The following EVA1C variants were observed in gnomAD, a reference collection of about 807,000 sequenced individuals.
EVA1C encodes the protein eva-1 homolog C.
Under a neutral mutation model 45.4 loss-of-function variants are expected in EVA1C, and 25 were observed. That is an observed-to-expected ratio of 0.55 (90% CI 0.40 to 0.77). EVA1C has a LOEUF of 0.77. Ranked by LOEUF, EVA1C falls within the 30% of genes least tolerant of loss-of-function variation. The probability of loss-of-function intolerance (pLI) is 0.00; values close to 1 mark genes in which losing one functional copy is unlikely to be tolerated. For synonymous variants in EVA1C, 190 were observed against 221.2 expected (o/e 0.86, Z 1.25); for missense variants, 479 against 554.8 (o/e 0.86, Z 1.37).
intron 4 of EVA1C, among the ~76,000 whole-genome samples, chr21:32,469,451 G>T (rs1171589616): frequency 6.6e-6 from 1 of 152,218 alleles, no homozygotes; most frequent in Non-Finnish European, 1.5e-5. Context: ...CTGTAGCTGG[G>T]TATTCAGTGC....
At chr21:32,478,279 C>G (rs2146341087) in intron 4 of EVA1C, among the ~76,000 whole-genome samples, 1 of 152,094 alleles carries the variant, frequency 6.6e-6, no homozygotes, top group East Asian at 1.9e-4. Context: ...AGTGCAGTGG[C>G]TCGATCTCAG....
At chr21:32,416,748 C>T (rs1274444534) in intron 1 of EVA1C, among the ~76,000 whole-genome samples, 1 of 152,144 alleles carries the variant, frequency 6.6e-6, no homozygotes, top group East Asian at 1.9e-4. Context: ...TGTTCTAGTT[C>T]CCACTTGAAT....
At chr21:32,470,680 T>A (rs548297047) in intron 4 of EVA1C, among the ~76,000 whole-genome samples, 11 of 152,186 alleles carry the variant, frequency 7.2e-5, no homozygotes, top group Non-Finnish European at 1.6e-4. Context: ...GCTGGGCCAC[T>A]GTAGCCATCT....
intron 7 of EVA1C, among the ~76,000 whole-genome samples, chr21:32,513,713 T>A (rs968508307): frequency 3.3e-5 from 5 of 151,626 alleles, no homozygotes; most frequent in African/African-American, 1.2e-4. Context: ...TATTTTGGTA[T>A]TTTTTTAAAT....
chr21:32,509,611 A>G lies in EVA1C; in HGVS notation c.950-5203A>G, dbSNP rs182542187. Among the ~76,000 whole-genome samples, 126 of 152,292 alleles carry G rather than the reference A, an allele frequency of 8.3e-4. 1 individual carries two copies. In the East Asian group the frequency reaches 0.022, roughly 27 times the overall value. Reference sequence around the variant, plus strand: ...CAGGGATGGCACTGGGGATTTGGCAAAGAGCAAGATGGTTCCAGCCCCTGC... The same window carrying G: ...CAGGGATGGCACTGGGGATTTGGCAGAGAGCAAGATGGTTCCAGCCCCTGC... On this transcript the variant is annotated intron_variant, in intron 7 of 7. Transcript: ENST00000300255.
chr21:32,503,357 C>T (rs2037619610), intron 6 of EVA1C, among the ~76,000 whole-genome samples: 1 of 152,144 alleles, frequency 6.6e-6, no homozygotes. Context: ...ACCAACCTGG[C>T]CAACATGGTG....
At chr21:32,418,975 T>TA (rs1483706041) in intron 1 of EVA1C, among the ~76,000 whole-genome samples, 2 of 151,886 alleles carry the variant, frequency 1.3e-5, no homozygotes, top group African/African-American at 2.4e-5. Context: ...TCCATCTTAA[T>TA]AAAAAAAGGA....
At chr21:32,441,491 G>T (rs1391871084) in intron 1 of EVA1C, among the ~76,000 whole-genome samples, 4 of 149,298 alleles carry the variant, frequency 2.7e-5, no homozygotes, top group Non-Finnish European at 5.9e-5. Context: ...TCAAGCAGGA[G>T]AATGGCAGAA....
chr21:32,417,070 G>A (rs751135576), intron 1 of EVA1C, among the ~76,000 whole-genome samples: 30 of 152,260 alleles, frequency 2.0e-4, no homozygotes, highest in Non-Finnish European at 3.2e-4. Context: ...GGCCTTAACC[G>A]ATCCTCCTCC....
chr21:32,442,121 C>G (rs914845758), intron 1 of EVA1C, among the ~76,000 whole-genome samples: 2 of 152,148 alleles, frequency 1.3e-5, no homozygotes, highest in African/African-American at 4.8e-5. Context: ...CCTGTGTGCT[C>G]GGGAAGAAAA....
intron 1 of EVA1C, among the ~76,000 whole-genome samples, chr21:32,438,745 A>G (rs900967228): frequency 6.6e-6 from 1 of 152,144 alleles, no homozygotes; most frequent in African/African-American, 2.4e-5. Flanking sequence ...TTGATTGTAG[A>G]TGCACCAATG....
chr21:32,453,752 A>G (rs1176306237), intron 2 of EVA1C, among the ~76,000 whole-genome samples: 3 of 152,200 alleles, frequency 2.0e-5, no homozygotes, highest in Non-Finnish European at 2.9e-5. Context: ...GTACACTTCA[A>G]TATGAATTTA....
At chr21:32,444,757 T>A (rs1335762182) in intron 1 of EVA1C, among the ~76,000 whole-genome samples, 3 of 150,278 alleles carry the variant, frequency 2.0e-5, no homozygotes, top group African/African-American at 4.9e-5. Context: ...CCTTGGTCTT[T>A]CCAGGGACCA....
intron 7 of EVA1C, among the ~76,000 whole-genome samples, chr21:32,505,088 C>T (rs575015116): frequency 3.3e-5 from 5 of 152,082 alleles, no homozygotes; most frequent in Non-Finnish European, 4.4e-5. Flanking sequence ...TCAATTACCT[C>T]CCACCATGTC....
At chr21:32,462,003 G>A (rs1440211597) in intron 3 of EVA1C, among the ~76,000 whole-genome samples, 2 of 152,114 alleles carry the variant, frequency 1.3e-5, no homozygotes, top group African/African-American at 4.8e-5. Context: ...AAAACACAGT[G>A]TTGTATGTAA....
chr21:32,496,820 T>C (rs2037367157), intron 5 of EVA1C: 2 of 816,234 alleles, frequency 2.5e-6, no homozygotes, highest in African/African-American at 1.7e-5. Context: ...GAGTATATTC[T>C]AGTGAAAGGA....
chr21:32,463,442 A>C (rs1223242798), intron 3 of EVA1C, among the ~76,000 whole-genome samples: 1 of 152,218 alleles, frequency 6.6e-6, no homozygotes, highest in African/African-American at 2.4e-5. Flanking sequence ...ATTTTTTATA[A>C]TCCAGAAATG....
chr21:32,494,200 A>T (rs2037264774), intron 4 of EVA1C, among the ~76,000 whole-genome samples: 1 of 152,188 alleles, frequency 6.6e-6, no homozygotes, highest in African/African-American at 2.4e-5. Flanking sequence ...GTGCCAGGGC[A>T]CCGAAAAACA....
intron 7 of EVA1C, among the ~76,000 whole-genome samples, chr21:32,509,795 T>C (rs1297902667): frequency 6.6e-6 from 1 of 151,324 alleles, no homozygotes; most frequent in Non-Finnish European, 1.5e-5. Flanking sequence ...TATCTAGTAG[T>C]GCTGGATGAA....
Sources: allele counts gnomAD v4.1 joint callset (sites outside exome capture counted in the v4.1 genomes callset), GRCh38; gene constraint gnomAD v4.1.1; transcripts MANE v1.5; gene names NCBI Gene and HGNC (gene_info 2026-07-23, HGNC 2026-07-21).